Variants in PTPRO observed in about 807,000 individuals in gnomAD.
The protein encoded by PTPRO is receptor-type tyrosine-protein phosphatase O.
A neutral mutation model predicts 145.2 loss-of-function variants in PTPRO; 62 were observed. The ratio of observed to expected loss-of-function variants is 0.43; its 90% CI spans 0.35 to 0.53. PTPRO has a LOEUF of 0.53. PTPRO is among the 20% of genes least tolerant of loss of function. PTPRO has a pLI of 0.01. For missense variants in PTPRO, 1,345 were observed against 1,482.7 expected (o/e 0.91, Z 1.53); for synonymous variants, 565 against 514.7 (o/e 1.10, Z -1.32).
rs1323419037 is a variant in PTPRO, at chr12:15,497,462, C to G, written c.508+59C>G. The stretch of plus-strand genomic sequence containing the variant: ...ACCCTCACTTTTTACAAAGCTTTTC[C>G]CAAATGATGTTCTCTCTTACTGCAA... On this transcript the variant is annotated intron_variant, in intron 3 of 26. Transcript: ENST00000281171. 5.2e-6 allele frequency: 8 copies of G among 1,535,204 alleles called. No homozygotes were observed. The African/African-American group carries it at 8.2e-5, about 16-fold the overall frequency.
At chr12:15,379,211 C>T (rs557050287) in intron 1 of PTPRO, among the ~76,000 whole-genome samples, 2 of 151,920 alleles carry the variant, frequency 1.3e-5, no homozygotes, top group Admixed American at 6.6e-5. Flanking sequence ...TGGTCAAAAT[C>T]GGGACCAATC....
chr12:15,561,656 G>A (rs995472482), intron 17 of PTPRO, among the ~76,000 whole-genome samples: 4 of 152,084 alleles, frequency 2.6e-5, no homozygotes, highest in African/African-American at 7.2e-5. Flanking sequence ...GGTATGAATA[G>A]CACACATAAA....
intron 1 of PTPRO, among the ~76,000 whole-genome samples, chr12:15,358,988 T>C (rs910511560): frequency 6.6e-6 from 1 of 152,244 alleles, no homozygotes; most frequent in Non-Finnish European, 1.5e-5. Context: ...GATCAAGGCA[T>C]GTACAGTTTA....
chr12:15,433,384 C>G (rs555240468), intron 1 of PTPRO, among the ~76,000 whole-genome samples: 1 of 152,026 alleles, frequency 6.6e-6, no homozygotes, highest in East Asian at 1.9e-4. Context: ...AGGGTTTCAC[C>G]GTGTTAGCCA....
At chr12:15,385,841 A>C in intron 1 of PTPRO, among the ~76,000 whole-genome samples, 1 of 151,192 alleles carries the variant, frequency 6.6e-6, no homozygotes. Context: ...AAAGAAGAAG[A>C]AGAAGGACAG....
At chr12:15,395,026 G>C (rs569318608) in intron 1 of PTPRO, among the ~76,000 whole-genome samples, 1 of 152,298 alleles carries the variant, frequency 6.6e-6, no homozygotes, top group African/African-American at 2.4e-5. Flanking sequence ...GATCAGAACA[G>C]AGAATGAATG....
At chr12:15,580,889 G>A (rs991828992) in intron 22 of PTPRO, 58 bp downstream of exon 22, 9 of 1,596,034 alleles carry the variant, frequency 5.6e-6, no homozygotes, top group Middle Eastern at 1.7e-4. Context: ...AGCCACTGCC[G>A]TTGATGAAAT....
intron 17 of PTPRO, 145 bp downstream of exon 17, chr12:15,560,421 C>A: frequency 2.9e-6 from 2 of 680,220 alleles, no homozygotes; most frequent in African/African-American, 1.8e-5. Context: ...TGAATTAAAG[C>A]AGTTACCGGT....
At chr12:15,545,773 C>A (rs1201348982) in intron 12 of PTPRO, among the ~76,000 whole-genome samples, 1 of 152,104 alleles carries the variant, frequency 6.6e-6, no homozygotes, top group African/African-American at 2.4e-5. Context: ...GTGGCTCACA[C>A]CTGTAATCCC....
At chr12:15,360,974 G>A (rs1443769976) in intron 1 of PTPRO, among the ~76,000 whole-genome samples, 3 of 141,130 alleles carry the variant, frequency 2.1e-5, no homozygotes, top group Non-Finnish European at 3.1e-5. Context: ...ATATACACAC[G>A]TATATATACA....
At position 15,580,882 on chromosome 12, in the gene PTPRO, C is replaced by T. The variant is rs201093802; in HGVS notation, c.3132+51C>T. 1,832 of 1,606,546 alleles carry T rather than the reference C, an allele frequency of 1.1e-3. 2 individuals are homozygous for T. The highest frequency in any genetic ancestry group is 1.5e-3 in the Non-Finnish European group (1,738 of 1,173,760). ...ACTTAGCAGCAAAACCTGCCCTAGC[C>T]ACTGCCGTTGATGAAATGCTTGCTG... On this transcript the variant is annotated intron_variant, in intron 22 of 26. Coordinates refer to ENST00000281171, the MANE Select transcript of PTPRO (RefSeq NM_030667.3).
At chr12:15,435,741 C>G (rs1318625727) in intron 1 of PTPRO, among the ~76,000 whole-genome samples, 1 of 152,148 alleles carries the variant, frequency 6.6e-6, no homozygotes, top group East Asian at 1.9e-4. Context: ...ATAACCAGGA[C>G]TTAGTGAGAA....
At chr12:15,591,644 C>G (rs114789041) in intron 25 of PTPRO, among the ~76,000 whole-genome samples, 4,014 of 152,198 alleles carry the variant, frequency 0.026, 198 homozygotes, top group African/African-American at 0.093. Context: ...GCGGACACAG[C>G]CTTTTTAAAG....
intron 1 of PTPRO, among the ~76,000 whole-genome samples, chr12:15,449,421 A>G (rs1008534627): frequency 3.9e-5 from 6 of 152,210 alleles, no homozygotes; most frequent in Non-Finnish European, 8.8e-5. Context: ...TAACAGTATA[A>G]TGGTGCATAC....
At chr12:15,487,312 A>T (rs1267339908) in intron 2 of PTPRO, among the ~76,000 whole-genome samples, 2 of 152,090 alleles carry the variant, frequency 1.3e-5, no homozygotes, top group Non-Finnish European at 2.9e-5. Context: ...GTGGTAGCAG[A>T]ACCACTGATA....
At chr12:15,558,520 A>G (rs1403146664) in intron 16 of PTPRO, among the ~76,000 whole-genome samples, 1 of 152,264 alleles carries the variant, frequency 6.6e-6, no homozygotes, top group African/African-American at 2.4e-5. Context: ...ATCCAGTTCA[A>G]TCAATGCCCA....
chr12:15,539,888 T>C (rs1706824679), intron 12 of PTPRO, among the ~76,000 whole-genome samples: 1 of 150,976 alleles, frequency 6.6e-6, no homozygotes. Flanking sequence ...CATAATTTAA[T>C]GTGTTTTCAG....
At chr12:15,501,020 G>A (rs1942210949) in intron 4 of PTPRO, among the ~76,000 whole-genome samples, 1 of 152,182 alleles carries the variant, frequency 6.6e-6, no homozygotes, top group Non-Finnish European at 1.5e-5. Flanking sequence ...TACGCAGTGC[G>A]TCTTCATAAT....
intron 19 of PTPRO, among the ~76,000 whole-genome samples, chr12:15,571,380 C>T (rs1035837736): frequency 6.6e-6 from 1 of 152,144 alleles, no homozygotes; most frequent in Non-Finnish European, 1.5e-5. Flanking sequence ...CTCCGCCTCC[C>T]AGGTTCAAGT....
Sources: gnomAD v4.1 joint callset for allele counts (sites outside exome capture counted in the v4.1 genomes callset) on GRCh38, gnomAD v4.1.1 for gene constraint, MANE v1.5 for transcripts, NCBI Gene and HGNC (gene_info 2026-07-23, HGNC 2026-07-21) for gene names.